Variants in ZNF438 observed in about 807,000 individuals in gnomAD.
ZNF438 encodes zinc finger protein 438.
Under a neutral mutation model 38.0 loss-of-function variants are expected in ZNF438, and 25 were observed. That is an observed-to-expected ratio of 0.66 (90% confidence interval 0.48 to 0.92). The LOEUF is 0.92. Ranked by LOEUF, ZNF438 falls within the 40% of genes least tolerant of loss-of-function variation. The pLI, the probability that ZNF438 is intolerant of heterozygous loss-of-function variation, is 0.00. For synonymous variants in ZNF438, 372 were observed against 364.1 expected, an observed-to-expected ratio of 1.02 and a Z score of -0.25; for missense variants, 1,007 against 999.6, an observed-to-expected ratio of 1.01 and a Z score of -0.10.
intron 4 of ZNF438, among the ~76,000 whole-genome samples, chr10:30,860,264 G>T (rs2035353796): frequency 1.3e-5 from 2 of 152,120 alleles, no homozygotes; most frequent in Non-Finnish European, 2.9e-5. Context: ...AGCCTTGCTG[G>T]GTTTCCTCAC....
chr10:30,999,659 T>G (rs1445319080), intron 1 of ZNF438: 5 of 152,240 alleles, frequency 3.3e-5, no homozygotes, highest in African/African-American at 1.2e-4. Flanking sequence ...GGGATTCATT[T>G]CATTTGCTAT....
intron 2 of ZNF438, among the ~76,000 whole-genome samples, chr10:30,930,839 A>AAAAAAAAAAAAAAAAAAATTTT (rs2045602793): frequency 8.5e-6 from 1 of 118,218 alleles, no homozygotes; most frequent in Non-Finnish European, 1.8e-5. Context: ...AAAAAAGCAA[A>AAAAAAAAAAAAAAAAAAATTTT]TGGTTCTTTC....
At chr10:31,015,719 C>T (rs1487534261) in intron 1 of ZNF438, among the ~76,000 whole-genome samples, 1 of 152,172 alleles carries the variant, frequency 6.6e-6, no homozygotes, top group African/African-American at 2.4e-5. Flanking sequence ...ATACTATCAA[C>T]TTCAGCTGCA....
intron 1 of ZNF438, among the ~76,000 whole-genome samples, chr10:31,003,648 C>T (rs1363835104): frequency 1.3e-5 from 2 of 152,232 alleles, no homozygotes; most frequent in African/African-American, 4.8e-5. Flanking sequence ...CACTCCTTAT[C>T]ATATGCCCTA....
upstream of ZNF438, chr10:31,032,029 G>C (rs1298248904): frequency 6.6e-6 from 1 of 152,118 alleles, no homozygotes; most frequent in Non-Finnish European, 1.5e-5. Context: ...CCCCGCGCAG[G>C]CGCAGACGGC....
intron 1 of ZNF438, among the ~76,000 whole-genome samples, chr10:30,952,164 T>C (rs1490323311): frequency 1.3e-5 from 2 of 151,712 alleles, no homozygotes; most frequent in African/African-American, 4.8e-5. Flanking sequence ...GATTCCCTAT[T>C]TAATAAATGG....
intron 1 of ZNF438, among the ~76,000 whole-genome samples, chr10:30,957,489 T>C (rs1206742742): frequency 6.6e-6 from 1 of 152,222 alleles, no homozygotes; most frequent in Admixed American, 6.5e-5. Context: ...GTGTTTCTCC[T>C]GTGTATTCTA....
In ZNF438 at chr10:30,847,249, T is replaced by C. The variant is rs145936902; in HGVS notation, c.1874+1282A>G. Among the ~76,000 whole-genome samples the C allele has an allele frequency of 5.4e-3, 817 of 152,270 alleles. 7 individuals are homozygous for C. The highest frequency in any genetic ancestry group is 0.019 in the African/African-American group (783 of 41,568). On this transcript the variant is annotated intron_variant, in intron 5 of 5. Coordinates refer to ENST00000413025, the Ensembl canonical transcript of ZNF438. ...TGTGGTGCTTTTCTGGGTCTGTCCA[T>C]GACTGCCCATGGACCAACTGCACGC...
rs1377523291 is a variant in ZNF438 at position 30,848,390 on chromosome 10, C to T, written c.1874+141G>A. On this transcript the variant is annotated intron_variant, in intron 5 of 5. Transcript: ENST00000413025. ...AGAAACAAGATCATTCTTCACAGAT[C>T]TAGGAGGTATACATAGCTACTTTAT... 3 of 964,168 alleles carry T rather than the reference C, an allele frequency of 3.1e-6. No homozygotes were observed. The African/African-American group carries it at 5.0e-5, about 16-fold the overall frequency. The allele number at this position is 964,168 out of a possible 1,614,324, so 59.7% of individuals were successfully genotyped here.
At chr10:30,864,087 G>A (rs140406821) in intron 4 of ZNF438, among the ~76,000 whole-genome samples, 5 of 152,060 alleles carry the variant, frequency 3.3e-5, no homozygotes, top group African/African-American at 9.6e-5. Context: ...CATTGACTTC[G>A]TGGAAAAAAG....
intron 2 of ZNF438, among the ~76,000 whole-genome samples, chr10:30,925,266 C>A (rs181564233): frequency 4.4e-4 from 66 of 150,764 alleles, no homozygotes; most frequent in African/African-American, 1.5e-3. Flanking sequence ...TGATACTGGG[C>A]AGCTTTGTCT....
chr10:30,982,180 C>T (rs769676190), intron 1 of ZNF438, among the ~76,000 whole-genome samples: 6 of 151,058 alleles, frequency 4.0e-5, no homozygotes, highest in Admixed American at 6.6e-5. Context: ...CGGCTCACTG[C>T]GAACTCCGCC....
At chr10:30,951,696 T>C (rs965187685) in intron 1 of ZNF438, among the ~76,000 whole-genome samples, 23 of 151,950 alleles carry the variant, frequency 1.5e-4, no homozygotes, top group East Asian at 7.7e-4. Flanking sequence ...TTACAAGGGA[T>C]GTGAAGGACC....
intron 4 of ZNF438, among the ~76,000 whole-genome samples, chr10:30,869,637 G>C (rs1378954481): frequency 6.6e-6 from 1 of 152,054 alleles, no homozygotes; most frequent in East Asian, 1.9e-4. Context: ...AATGCACAAT[G>C]GTATTTTGTA....
intron 1 of ZNF438, among the ~76,000 whole-genome samples, chr10:31,022,263 T>TG (rs1279759908): frequency 6.6e-6 from 1 of 150,810 alleles, no homozygotes; most frequent in African/African-American, 2.4e-5. Context: ...TTTCTTCCTT[T>TG]TTTTTTTCTT....
At chr10:30,900,959 C>T (rs1307600776) in intron 3 of ZNF438, among the ~76,000 whole-genome samples, 2 of 152,126 alleles carry the variant, frequency 1.3e-5, no homozygotes, top group African/African-American at 2.4e-5. Context: ...AGTAAAAATA[C>T]CCCAGGAGAA....
chr10:30,958,029 C>A (rs970382006), intron 1 of ZNF438, among the ~76,000 whole-genome samples: 3 of 146,612 alleles, frequency 2.0e-5, no homozygotes, highest in African/African-American at 2.4e-5. Flanking sequence ...TAGTGTGATG[C>A]CTCCAGCTTT....
chr10:31,011,447 G>A (rs1411792505), intron 1 of ZNF438, among the ~76,000 whole-genome samples: 3 of 152,146 alleles, frequency 2.0e-5, no homozygotes, highest in Non-Finnish European at 4.4e-5. Context: ...TAGATCTAGA[G>A]GAAGTCTTGG....
intron 5 of ZNF438, among the ~76,000 whole-genome samples, chr10:30,846,332 T>G (rs4749620): frequency 0.38 from 58,270 of 152,078 alleles, 11,464 homozygotes; most frequent in Admixed American, 0.41. Context: ...TCAGGTTCAT[T>G]TGTGCAGGGT....
Sources: allele counts gnomAD v4.1 joint callset (sites outside exome capture counted in the v4.1 genomes callset), GRCh38; gene constraint gnomAD v4.1.1; transcripts MANE v1.5; gene names NCBI Gene and HGNC (gene_info 2026-07-23, HGNC 2026-07-21).